RTN4IP1: variants seen among roughly 807,000 people sequenced by gnomAD.
The protein encoded by RTN4IP1 is reticulon 4 interacting protein 1, also known as NAD(P)H oxidoreductase RTN4IP1, mitochondrial.
A neutral mutation model predicts 46.6 loss-of-function variants in RTN4IP1; 32 were observed. The ratio of observed to expected loss-of-function variants is 0.69; its 90% CI spans 0.52 to 0.92. The LOEUF (loss-of-function observed/expected upper bound fraction) is 0.92. RTN4IP1 is among the 40% of genes least tolerant of loss of function. The pLI is 0.00. For synonymous variants in RTN4IP1, 167 were observed against 161.8 expected, an observed-to-expected ratio of 1.03 and a Z score of -0.24; for missense variants, 424 against 485.8, an observed-to-expected ratio of 0.87 and a Z score of 1.20.
intron 4 of RTN4IP1, among the ~76,000 whole-genome samples, chr6:106,617,591 T>C (rs1776386293): frequency 6.6e-6 from 1 of 152,162 alleles, no homozygotes; most frequent in South Asian, 2.1e-4. Context: ...TCCAGGCCAT[T>C]GTTGCTTAAA....
intron 4 of RTN4IP1, among the ~76,000 whole-genome samples, chr6:106,612,478 G>C (rs1776249683): frequency 6.6e-6 from 1 of 151,134 alleles, no homozygotes; most frequent in South Asian, 2.1e-4. Context: ...ATTTACCATG[G>C]AGCCAATGAA....
intron 5 of RTN4IP1, among the ~76,000 whole-genome samples, chr6:106,597,595 C>T (rs1365546068): frequency 1.3e-5 from 2 of 151,806 alleles, no homozygotes; most frequent in Non-Finnish European, 1.5e-5. Context: ...CTGCCCTCCT[C>T]AGCCTAGCAA....
At chr6:106,582,855 G>A (rs543270822) in intron 8 of RTN4IP1, among the ~76,000 whole-genome samples, 11 of 152,138 alleles carry the variant, frequency 7.2e-5, no homozygotes, top group Non-Finnish European at 1.3e-4. Flanking sequence ...ACACCAGCCA[G>A]TTGTCTTCAC....
chr6:106,620,651 A>G lies in RTN4IP1; in HGVS notation c.495+774T>C, dbSNP rs1582390308. 2.6e-5 allele frequency among the ~76,000 whole-genome samples: 4 copies of G among 152,206 alleles called. No individual in the cohort carries two copies. In the East Asian group the frequency reaches 5.8e-4, roughly 22 times the overall value. On this transcript the variant is annotated intron_variant, in intron 3 of 8. Transcript: ENST00000369063. ...AATATTGCATAGCTCTATCTGTTGC[A>G]TATCTTGGAGTAGGGTAAGCAATAT...
chr6:106,571,967 C>T lies in RTN4IP1; in HGVS notation c.*29G>A, dbSNP rs757914701. On this transcript the variant is annotated 3_prime_UTR_variant, in exon 9 of 9. Coordinates refer to ENST00000369063, the MANE Select transcript of RTN4IP1 (RefSeq NM_032730.5). ...CTCACAGGCACTCACCAAATAAGAA[C>T]GTCAACAATCACTAAACTGCATTTT... 46 of 1,556,292 alleles carry T rather than the reference C, an allele frequency of 3.0e-5. No individual in the cohort carries two copies. The highest frequency in any genetic ancestry group is 3.5e-5 in the Non-Finnish European group (39 of 1,129,488).
rs142241460 is a variant in RTN4IP1 at position 106,628,947 on chromosome 6, G to A, written c.75C>T (p.Val25=). The A allele has an allele frequency of 8.5e-5, 137 of 1,614,042 alleles. No homozygotes were observed. The African/African-American group carries it at 1.3e-3, about 15-fold the overall frequency. Residue 25 remains valine, a synonymous_variant, in exon 1 of 9, where the codon GTC becomes GTT. Transcript: ENST00000369063. The stretch of plus-strand genomic sequence containing the variant: ...TAATCCTTCTAACTGAAGGCTTTTG[G>A]ACAACTTTGCTTCTCCAGAAGCAAA... ...TAVCFWRSKV[V]QKPSVRRIST...
intron 8 of RTN4IP1, among the ~76,000 whole-genome samples, chr6:106,580,510 G>A (rs1775340112): frequency 6.6e-6 from 1 of 152,064 alleles, no homozygotes; most frequent in Non-Finnish European, 1.5e-5. Flanking sequence ...TCTGAGGTCA[G>A]GAGTTCAAGA....
At chr6:106,612,024 GA>G (rs1450240683) in intron 4 of RTN4IP1, among the ~76,000 whole-genome samples, 6 of 152,134 alleles carry the variant, frequency 3.9e-5, no homozygotes, top group Non-Finnish European at 8.8e-5. Flanking sequence ...CCCCAAATGG[GA>G]TAGGCAGTGG....
chr6:106,608,240 G>A (rs1776135366), intron 4 of RTN4IP1, among the ~76,000 whole-genome samples: 1 of 152,148 alleles, frequency 6.6e-6, no homozygotes, highest in Non-Finnish European at 1.5e-5. Context: ...GGCACAAGAA[G>A]ATAAATACCA....
At chr6:106,585,233 G>A (rs1775456539) in intron 7 of RTN4IP1, among the ~76,000 whole-genome samples, 1 of 152,228 alleles carries the variant, frequency 6.6e-6, no homozygotes. Flanking sequence ...CAACACTTTG[G>A]GAGACCAAGG....
Position 106,573,776 on chromosome 6 carries a change from C to G in RTN4IP1, c.1084-1673G>C, listed in dbSNP as rs545877788. 9.8e-5 allele frequency among the ~76,000 whole-genome samples: 15 copies of G among 152,334 alleles called. No individual in the cohort carries two copies. In the South Asian group the frequency reaches 2.7e-3, roughly 27 times the overall value. ...CCTTTCCTATAGCATCTGCTGCTGT[C>G]TACACCTACCCCTAAAACCTTAAAG... On this transcript the variant is annotated intron_variant, in intron 8 of 8. Transcript: ENST00000369063.
At chr6:106,620,583 GT>G (rs1273228060) in intron 3 of RTN4IP1, among the ~76,000 whole-genome samples, 1 of 151,970 alleles carries the variant, frequency 6.6e-6, no homozygotes, top group African/African-American at 2.4e-5. Flanking sequence ...AATCATTCCA[GT>G]TCATGTTTGT....
At chr6:106,596,650 CTTCT>C (rs2114647642) in intron 5 of RTN4IP1, among the ~76,000 whole-genome samples, 1 of 152,302 alleles carries the variant, frequency 6.6e-6, no homozygotes, top group Non-Finnish European at 1.5e-5. Flanking sequence ...ACACTCTCTC[CTTCT>C]AAGCCCTCAT....
rs1349221303 is a variant in RTN4IP1, at chr6:106,629,286, C to T, written c.-265G>A. ...CATTCTCCTCCCTCACTTTCACCCC[C>T]TCCACTTTAAAAAAAAAAGGGGGGG... On this transcript the variant is annotated 5_prime_UTR_variant, in exon 1 of 9. Transcript: ENST00000369063. 3.7e-6 allele frequency: 2 copies of T among 543,858 alleles called. No homozygotes were observed. Among genetic ancestry groups the T allele is most frequent in the Non-Finnish European group, 6.5e-6 (2 of 309,256 alleles). The allele number at this position is 543,858 out of a possible 1,614,324, so 33.7% of individuals were successfully genotyped here. A position where few individuals can be genotyped will look rare whatever the true frequency, so the allele number is the denominator to read the frequency against.
At chr6:106,592,336 G>T in intron 5 of RTN4IP1, 36 bp from the exon 6 acceptor site, 1 of 1,600,072 alleles carries the variant, frequency 6.2e-7, no homozygotes, top group Non-Finnish European at 8.5e-7. Flanking sequence ...GAATAAAAAA[G>T]GGAGAGATTA....
At chr6:106,596,414 C>T (rs545585016) in intron 5 of RTN4IP1, among the ~76,000 whole-genome samples, 5 of 152,228 alleles carry the variant, frequency 3.3e-5, no homozygotes, top group South Asian at 2.1e-4. Flanking sequence ...AAGACCCCAT[C>T]GCTACAAAAA....
intron 4 of RTN4IP1, among the ~76,000 whole-genome samples, chr6:106,613,119 T>C (rs1446140829): frequency 2.0e-5 from 3 of 152,210 alleles, no homozygotes; most frequent in African/African-American, 7.2e-5. Context: ...TTTTTCACTC[T>C]TACTCATCAG....
At chr6:106,623,857 T>C (rs1776560695) in intron 1 of RTN4IP1, among the ~76,000 whole-genome samples, 1 of 152,214 alleles carries the variant, frequency 6.6e-6, no homozygotes, top group Non-Finnish European at 1.5e-5. Context: ...ATGTTTAAGC[T>C]GTTTGAAGTC....
chr6:106,617,959 A>C (rs1343486049), intron 4 of RTN4IP1, among the ~76,000 whole-genome samples: 2 of 152,270 alleles, frequency 1.3e-5, no homozygotes, highest in Non-Finnish European at 2.9e-5. Flanking sequence ...AGAAACCATT[A>C]GAAAAATCTA....
Sources: gnomAD v4.1 joint callset for allele counts (sites outside exome capture counted in the v4.1 genomes callset) on GRCh38, gnomAD v4.1.1 for gene constraint, MANE v1.5 for transcripts, NCBI Gene and HGNC (gene_info 2026-07-23, HGNC 2026-07-21) for gene names.